LIMCH1: variants seen among roughly 807,000 people sequenced by gnomAD.
The protein encoded by LIMCH1 is LIM and calponin homology domains 1.
In LIMCH1, 113 loss-of-function variants were observed where a neutral mutation model predicts 176.5. That is an observed-to-expected ratio of 0.64 (90% confidence interval 0.55 to 0.75). The LOEUF is 0.75. Among genes scored for constraint, LIMCH1 ranks in the 30% least tolerant of loss-of-function variants. The pLI is 0.00. For synonymous variants in LIMCH1, 619 were observed against 645.9 expected (o/e 0.96, Z 0.63); for missense variants, 1,674 against 1,814.9 (o/e 0.92, Z 1.41).
intron 1 of LIMCH1, among the ~76,000 whole-genome samples, chr4:41,429,200 G>GT (rs765129128): frequency 1.3e-5 from 2 of 152,272 alleles, no homozygotes; most frequent in African/African-American, 4.8e-5. Context: ...TAATGCGTAT[G>GT]TTTTTGTTTT....
chr4:41,599,060 T>C, intron 2 of LIMCH1, 34 bp downstream of exon 2: 1 of 1,296,434 alleles, frequency 7.7e-7, no homozygotes. Context: ...TAAGGGAAAC[T>C]CCTTTATAGT....
At chr4:41,370,931 T>G (rs770405511) in intron 1 of LIMCH1, among the ~76,000 whole-genome samples, 8 of 152,316 alleles carry the variant, frequency 5.3e-5, no homozygotes, top group Admixed American at 3.3e-4. Context: ...TGGTAAGTGA[T>G]ATGCTTGAAG....
At chr4:41,685,339 C>T (rs1719863424) in intron 27 of LIMCH1, among the ~76,000 whole-genome samples, 1 of 152,200 alleles carries the variant, frequency 6.6e-6, no homozygotes, top group Non-Finnish European at 1.5e-5. Flanking sequence ...TAAACCACAT[C>T]ACAGTTGGTG....
chr4:41,532,033 G>A (rs1388567225), intron 3 of LIMCH1, among the ~76,000 whole-genome samples: 1 of 152,248 alleles, frequency 6.6e-6, no homozygotes, highest in African/African-American at 2.4e-5. Context: ...GAGAAACCTC[G>A]GTTGCGTTCC....
At chr4:41,641,080 A>G (rs1180862420) in intron 14 of LIMCH1, among the ~76,000 whole-genome samples, 2 of 152,160 alleles carry the variant, frequency 1.3e-5, no homozygotes, top group Non-Finnish European at 2.9e-5. Context: ...CCCTTGGGGT[A>G]ATTCCATCCC....
intron 1 of LIMCH1, among the ~76,000 whole-genome samples, chr4:41,467,656 GA>G (rs1426764461): frequency 6.6e-6 from 1 of 152,164 alleles, no homozygotes; most frequent in Non-Finnish European, 1.5e-5. Flanking sequence ...TTTGGGTGGG[GA>G]CACAGAGCCA....
At chr4:41,426,806 TC>T (rs1364904589) in intron 1 of LIMCH1, among the ~76,000 whole-genome samples, 1 of 152,242 alleles carries the variant, frequency 6.6e-6, no homozygotes, top group Non-Finnish European at 1.5e-5. Flanking sequence ...AAATCTAGGC[TC>T]TCATGTTTAC....
chr4:41,626,742 C>G lies in LIMCH1; in HGVS notation c.760C>G (p.Arg254Gly). Residue 254 changes from arginine (R) to glycine (G), a missense_variant, in exon 8 of 32, where the codon CGT becomes GGT. Arg to Gly is a moderately radical substitution (Grantham distance 125, BLOSUM62 -2). Coordinates refer to ENST00000503057, the MANE Select transcript of LIMCH1 (RefSeq NM_001330672.2). ...ATTAAGTGAAGAGAAAGAAGCTATTCGTGATATTGTCCTTCGCAAAGAAAA... is the reference window on the plus strand; with the variant it reads ...ATTAAGTGAAGAGAAAGAAGCTATTGGTGATATTGTCCTTCGCAAAGAAAA... The part of the protein sequence containing the change: ...KQLSEEKEAI[R>G]DIVLRKENSF... 4 of 1,536,238 alleles carry G rather than the reference C, an allele frequency of 2.6e-6. No individual in the cohort carries two copies. The East Asian group carries it at 9.8e-5, about 38-fold the overall frequency.
chr4:41,608,682 T>A (rs1371841501), intron 4 of LIMCH1, among the ~76,000 whole-genome samples: 1 of 152,096 alleles, frequency 6.6e-6, no homozygotes, highest in Non-Finnish European at 1.5e-5. Context: ...TATTTTTTTT[T>A]AAAGGATCTC....
intron 3 of LIMCH1, among the ~76,000 whole-genome samples, chr4:41,528,279 TG>T (rs2076898022): frequency 6.6e-6 from 1 of 152,160 alleles, no homozygotes; most frequent in Non-Finnish European, 1.5e-5. Flanking sequence ...GGCAAAATAC[TG>T]TCTCTAGATA....
At chr4:41,655,762 C>T (rs1213470097) in intron 18 of LIMCH1, among the ~76,000 whole-genome samples, 1 of 151,872 alleles carries the variant, frequency 6.6e-6, no homozygotes, top group East Asian at 1.9e-4. Context: ...CTCCGGGGCT[C>T]AAGGGATACT....
In LIMCH1 at chr4:41,632,826, G is replaced by A; in HGVS notation, c.1679G>A (p.Trp560Ter). 6.5e-7 allele frequency: 1 copy of A among 1,536,218 alleles called. No individual in the cohort carries two copies. The highest frequency in any genetic ancestry group is 1.2e-5 in the South Asian group (1 of 84,058). Reference protein sequence around the residue: ...LAPVPESQEEWVCSLGECPRG... With the variant: ...LAPVPESQEE ...CCTGTGCCGGAGTCTCAGGAAGAGT[G>A]GGTCTGCAGTTTGGGCGAGTGCCCG... The change falls in exon 11 of 32, where the codon TGG becomes TAG. Residue 560 changes from tryptophan (W) to a stop codon, truncating the protein, a stop_gained. Coordinates refer to ENST00000503057, the MANE Select transcript of LIMCH1 (RefSeq NM_001330672.2). LOFTEE classifies it high-confidence loss of function.
At chr4:41,483,568 G>C (rs2069012349) in intron 1 of LIMCH1, among the ~76,000 whole-genome samples, 1 of 152,130 alleles carries the variant, frequency 6.6e-6, no homozygotes, top group Non-Finnish European at 1.5e-5. Flanking sequence ...GTAACCCATA[G>C]TGCTGGCACA....
chr4:41,469,882 A>G (rs2066700896), intron 1 of LIMCH1, among the ~76,000 whole-genome samples: 3 of 151,754 alleles, frequency 2.0e-5, no homozygotes, highest in African/African-American at 7.3e-5. Context: ...GAGTTTCACC[A>G]TATTGGCCAG....
intron 1 of LIMCH1, among the ~76,000 whole-genome samples, chr4:41,574,810 A>G (rs1442507180): frequency 1.3e-5 from 2 of 152,212 alleles, no homozygotes; most frequent in Non-Finnish European, 2.9e-5. Context: ...ACTTGGGGGT[A>G]GGTTTAAATC....
At chr4:41,629,060 T>C (rs1157640556) in intron 8 of LIMCH1, among the ~76,000 whole-genome samples, 1 of 152,226 alleles carries the variant, frequency 6.6e-6, no homozygotes, top group Non-Finnish European at 1.5e-5. Flanking sequence ...ATTTGGATCA[T>C]GCAGAGCTCA....
chr4:41,467,158 T>TATATATAC (rs1157542568), intron 1 of LIMCH1, among the ~76,000 whole-genome samples: 132 of 143,550 alleles, frequency 9.2e-4, no homozygotes, highest in African/African-American at 3.1e-3. Flanking sequence ...TATGTATATA[T>TATATATAC]ACACACACAC....
chr4:41,360,639 T>G, upstream of LIMCH1: 1 of 290,416 alleles, frequency 3.4e-6, no homozygotes, highest in Non-Finnish European at 6.3e-6. This position sits in a 1 kb window ranked among gnomAD's most constrained non-coding sequence, Gnocchi z 4.5. Flanking sequence ...TCACGGCGCG[T>G]TGGAGCCCGG....
intron 1 of LIMCH1, among the ~76,000 whole-genome samples, chr4:41,565,346 T>TAC (rs34056313): frequency 0.2 from 25,532 of 128,364 alleles, 2,309 homozygotes; most frequent in Middle Eastern, 0.24. Context: ...CTATTTCGGA[T>TAC]ACACACACAC....
Sources: allele counts gnomAD v4.1 joint callset (sites outside exome capture counted in the v4.1 genomes callset), GRCh38; gene constraint gnomAD v4.1.1; non-coding constraint Gnocchi (gnomAD v3.1); transcripts MANE v1.5; gene names NCBI Gene and HGNC (gene_info 2026-07-23, HGNC 2026-07-21).